The following OXCT1 variants were observed in gnomAD, a reference collection of about 807,000 sequenced individuals.
The protein encoded by OXCT1 is 3-oxoacid CoA-transferase 1, also known as succinyl-CoA:3-ketoacid coenzyme A transferase 1, mitochondrial.
In OXCT1, 27 loss-of-function variants were observed where a neutral mutation model predicts 69.6. That is an observed-to-expected ratio of 0.39 (90% CI 0.29 to 0.54). The LOEUF (loss-of-function observed/expected upper bound fraction) is 0.54. OXCT1 is among the 20% of genes least tolerant of loss of function. OXCT1 has a pLI of 0.72. For synonymous variants in OXCT1, 202 were observed against 217.8 expected (o/e 0.93, Z 0.64); for missense variants, 437 against 650.2 (o/e 0.67, Z 3.57).
chr5:41,853,761 A>G (rs1749300281), intron 3 of OXCT1: 11 of 669,720 alleles, frequency 1.6e-5, no homozygotes, highest in South Asian at 1.6e-4. Context: ...AAAGTCAAGA[A>G]GTTTAAGTTA....
intron 1 of OXCT1, among the ~76,000 whole-genome samples, chr5:41,863,897 C>G (rs1372698735): frequency 1.3e-5 from 2 of 152,048 alleles, no homozygotes; most frequent in Admixed American, 6.5e-5. Context: ...AGAGTTGGGC[C>G]CCAGGTTCAA....
chr5:41,782,668 T>G (rs1167594892), intron 13 of OXCT1, among the ~76,000 whole-genome samples: 1 of 152,248 alleles, frequency 6.6e-6, no homozygotes, highest in Non-Finnish European at 1.5e-5. Flanking sequence ...ATGGATAGAT[T>G]GCAAATATTT....
chr5:41,793,575 C>T (rs1746032643), intron 13 of OXCT1, among the ~76,000 whole-genome samples: 1 of 152,212 alleles, frequency 6.6e-6, no homozygotes, highest in South Asian at 2.1e-4. Flanking sequence ...TATGGGGTCA[C>T]ATGACCAATC....
chr5:41,763,354 G>C (rs1744438735), intron 13 of OXCT1, among the ~76,000 whole-genome samples: 1 of 152,086 alleles, frequency 6.6e-6, no homozygotes, highest in Admixed American at 6.6e-5. Context: ...AGAGAATGCA[G>C]AGTACAAAAT....
intron 7 of OXCT1, among the ~76,000 whole-genome samples, chr5:41,810,217 A>G (rs554616177): frequency 6.6e-6 from 1 of 152,190 alleles, no homozygotes; most frequent in South Asian, 2.1e-4. Context: ...TAGTGAGATC[A>G]GGCGATTTAA....
chr5:41,772,425 T>G (rs551610453), intron 13 of OXCT1, among the ~76,000 whole-genome samples: 2 of 151,814 alleles, frequency 1.3e-5, no homozygotes, highest in Admixed American at 6.6e-5. Context: ...ATTACCAGTG[T>G]TTTTTTCCAC....
At chr5:41,826,496 T>A (rs1747813183) in intron 7 of OXCT1, among the ~76,000 whole-genome samples, 1 of 152,098 alleles carries the variant, frequency 6.6e-6, no homozygotes, top group Admixed American at 6.5e-5. Context: ...CACACTGGAA[T>A]GCTCTATCCC....
intron 15 of OXCT1, among the ~76,000 whole-genome samples, chr5:41,745,704 A>G (rs1290430436): frequency 1.3e-5 from 2 of 152,154 alleles, no homozygotes; most frequent in Non-Finnish European, 2.9e-5. Flanking sequence ...GCAATAAAAA[A>G]TGATAAAGGG....
chr5:41,795,801 T>C (rs1746154767), intron 11 of OXCT1, among the ~76,000 whole-genome samples: 1 of 152,196 alleles, frequency 6.6e-6, no homozygotes, highest in African/African-American at 2.4e-5. Context: ...TCACAATGTA[T>C]ATGTATATCA....
At chr5:41,764,418 T>A (rs569831392) in intron 13 of OXCT1, among the ~76,000 whole-genome samples, 1 of 152,268 alleles carries the variant, frequency 6.6e-6, no homozygotes, top group South Asian at 2.1e-4. Flanking sequence ...ACTTACTGAA[T>A]GTCTAGTATA....
intron 7 of OXCT1, among the ~76,000 whole-genome samples, chr5:41,837,481 A>G (rs1382906249): frequency 5.9e-5 from 9 of 152,008 alleles, no homozygotes; most frequent in African/African-American, 1.9e-4. Context: ...AGTCCAAGAG[A>G]AAGACTGAAT....
chr5:41,860,492 G>C (rs1045948172), intron 3 of OXCT1, among the ~76,000 whole-genome samples: 19 of 152,078 alleles, frequency 1.2e-4, no homozygotes, highest in African/African-American at 4.6e-4. Context: ...CAGGAAAGAG[G>C]AGGGACAGTC....
chr5:41,825,591 G>A (rs1747766517), intron 7 of OXCT1, among the ~76,000 whole-genome samples: 1 of 152,184 alleles, frequency 6.6e-6, no homozygotes, highest in Non-Finnish European at 1.5e-5. Flanking sequence ...TCTGTGTTCA[G>A]GGAGTTGTAT....
chr5:41,791,243 A>G (rs1479158634), intron 13 of OXCT1, among the ~76,000 whole-genome samples: 1 of 152,206 alleles, frequency 6.6e-6, no homozygotes, highest in Non-Finnish European at 1.5e-5. Flanking sequence ...AAAAAATGCT[A>G]ATCAGAAGTA....
At chr5:41,745,652 G>T (rs1181951713) in intron 15 of OXCT1, among the ~76,000 whole-genome samples, 1 of 152,018 alleles carries the variant, frequency 6.6e-6, no homozygotes, top group African/African-American at 2.4e-5. Context: ...TAGACCGCTA[G>T]CAAGACTAAT....
chr5:41,760,067 A>G (rs1341643331), intron 14 of OXCT1, among the ~76,000 whole-genome samples: 1 of 152,118 alleles, frequency 6.6e-6, no homozygotes, highest in Non-Finnish European at 1.5e-5. Flanking sequence ...CCTCTTTTCC[A>G]GCTCTTCTCA....
intron 7 of OXCT1, among the ~76,000 whole-genome samples, chr5:41,816,358 T>G (rs967412174): frequency 2.0e-5 from 3 of 152,210 alleles, no homozygotes. Flanking sequence ...ACTAGATCTT[T>G]AAGTCCTAAA....
At chr5:41,846,513 T>G (rs1204834232) in intron 5 of OXCT1, among the ~76,000 whole-genome samples, 2 of 150,414 alleles carry the variant, frequency 1.3e-5, no homozygotes, top group East Asian at 1.9e-4. Flanking sequence ...TGCCACATTT[T>G]CTTAATCCAG....
chr5:41,759,373 A>G (rs1744238050), intron 14 of OXCT1, among the ~76,000 whole-genome samples: 1 of 152,130 alleles, frequency 6.6e-6, no homozygotes, highest in Non-Finnish European at 1.5e-5. Context: ...TCACATTTTT[A>G]AAGGGCAGAA....
Sources: gnomAD v4.1 joint callset for allele counts (sites outside exome capture counted in the v4.1 genomes callset) on GRCh38, gnomAD v4.1.1 for gene constraint, MANE v1.5 for transcripts, NCBI Gene and HGNC (gene_info 2026-07-23, HGNC 2026-07-21) for gene names.